Variants in SIK3 observed in about 807,000 individuals in gnomAD.
SIK3 encodes the protein serine/threonine-protein kinase SIK3.
SIK3 carries 28 observed loss-of-function variants against 144.2 expected under a neutral mutation model. The ratio of observed to expected loss-of-function variants is 0.19; its 90% CI spans 0.14 to 0.27. SIK3 has a LOEUF of 0.27. Ranked by LOEUF, SIK3 falls within the 10% of genes least tolerant of loss-of-function variation. SIK3 has a pLI of 1.00. For synonymous variants in SIK3, 686 were observed against 676.3 expected (o/e 1.01, Z -0.22); for missense variants, 1,319 against 1,776.0 (o/e 0.74, Z 4.62).
At chr11:117,073,238 A>G (rs539130966) in intron 1 of SIK3, among the ~76,000 whole-genome samples, 1 of 152,216 alleles carries the variant, frequency 6.6e-6, no homozygotes, top group South Asian at 2.1e-4. Flanking sequence ...TGAGTTTGCG[A>G]GCTCTCAACA....
chr11:117,085,369 C>T (rs1387687729), intron 1 of SIK3, among the ~76,000 whole-genome samples: 2 of 152,170 alleles, frequency 1.3e-5, no homozygotes, highest in African/African-American at 2.4e-5. Flanking sequence ...TCAAGCGATC[C>T]ACCTACCTAG....
chr11:116,994,809 T>C (rs1415783133), intron 1 of SIK3, among the ~76,000 whole-genome samples: 4 of 152,126 alleles, frequency 2.6e-5, no homozygotes, highest in Non-Finnish European at 5.9e-5. Context: ...CAATTATTAA[T>C]ACCAACCCCA....
At chr11:116,850,198 T>A (rs1016388863) in intron 21 of SIK3, among the ~76,000 whole-genome samples, 1 of 152,232 alleles carries the variant, frequency 6.6e-6, no homozygotes, top group Non-Finnish European at 1.5e-5. Context: ...GCTAGCCTCA[T>A]AACCAATCCC....
At chr11:116,885,643 T>A (rs1194561317) in intron 6 of SIK3, among the ~76,000 whole-genome samples, 1 of 152,212 alleles carries the variant, frequency 6.6e-6, no homozygotes, top group African/African-American at 2.4e-5. Flanking sequence ...TGCTACTCGT[T>A]TTTCAGTAAG....
intron 1 of SIK3, among the ~76,000 whole-genome samples, chr11:116,980,590 T>C (rs1182718240): frequency 6.6e-6 from 1 of 152,190 alleles, no homozygotes; most frequent in Non-Finnish European, 1.5e-5. Flanking sequence ...AGGTGGCTCA[T>C]GCCTATAATG....
At chr11:116,931,450 A>ATT (rs1409176290) in intron 3 of SIK3, among the ~76,000 whole-genome samples, 1 of 152,248 alleles carries the variant, frequency 6.6e-6, no homozygotes, top group Non-Finnish European at 1.5e-5. Context: ...ATTTCTTAAA[A>ATT]TAAGTCACTT....
At chr11:116,868,486 A>C (rs1943774799) in intron 14 of SIK3, among the ~76,000 whole-genome samples, 1 of 152,204 alleles carries the variant, frequency 6.6e-6, no homozygotes, top group Admixed American at 6.5e-5. Flanking sequence ...ATTCCTAGAG[A>C]TGAACCTGGG....
intron 6 of SIK3, among the ~76,000 whole-genome samples, chr11:116,878,907 G>A (rs1944401777): frequency 6.6e-6 from 1 of 152,128 alleles, no homozygotes; most frequent in Non-Finnish European, 1.5e-5. Flanking sequence ...TCTACTCTAA[G>A]ATGGGCCTCC....
At chr11:116,908,863 T>A (rs1400049476) in intron 4 of SIK3, among the ~76,000 whole-genome samples, 6 of 152,178 alleles carry the variant, frequency 3.9e-5, no homozygotes, top group African/African-American at 9.7e-5. Context: ...ACACACCATA[T>A]GACCCAGCAA....
chr11:116,961,740 T>C (rs896354176), intron 1 of SIK3, among the ~76,000 whole-genome samples: 1 of 152,200 alleles, frequency 6.6e-6, no homozygotes, highest in Non-Finnish European at 1.5e-5. Flanking sequence ...AGCATGATTT[T>C]GTAAATTGAC....
At chr11:117,017,961 C>A (rs972500663) in intron 1 of SIK3, among the ~76,000 whole-genome samples, 5 of 152,036 alleles carry the variant, frequency 3.3e-5, no homozygotes, top group African/African-American at 1.2e-4. Flanking sequence ...AGAGGAAATA[C>A]CATAGAACAT....
chr11:116,909,365 A>G (rs1219856475), intron 4 of SIK3, among the ~76,000 whole-genome samples: 3 of 152,076 alleles, frequency 2.0e-5, no homozygotes, highest in African/African-American at 4.8e-5. Flanking sequence ...GATTAACACA[A>G]AAGTACAAAA....
At chr11:116,927,487 G>T in intron 3 of SIK3, 107 bp from the exon 4 acceptor site, 1 of 951,950 alleles carries the variant, frequency 1.1e-6, no homozygotes, top group Non-Finnish European at 1.6e-6. Flanking sequence ...AGTTAAAGAG[G>T]CAAAATGAGC....
At chr11:116,944,104 C>T (rs191360059) in intron 3 of SIK3, among the ~76,000 whole-genome samples, 16 of 152,196 alleles carry the variant, frequency 1.1e-4, no homozygotes, top group African/African-American at 3.9e-4. Flanking sequence ...ACTAAGTTGT[C>T]TATAGCCAAG....
At position 117,032,774 on chromosome 11, in the gene SIK3, T is replaced by C. The variant is rs111437357; in HGVS notation, c.273+65369A>G. Among the ~76,000 whole-genome samples, 266 of 152,214 alleles carry C rather than the reference T, an allele frequency of 1.7e-3. 1 individual carries two copies. The highest frequency in any genetic ancestry group is 6.8e-3 in the Middle Eastern group (2 of 294). On this transcript the variant is annotated intron_variant, in intron 1 of 24. Coordinates refer to ENST00000445177, the MANE Select transcript of SIK3 (RefSeq NM_001366686.3). ...TTTATCTGAGTAGTATTTTATTGTATGAATATACCACCATTTATTTATCTG... is the reference window on the plus strand; with the variant it reads ...TTTATCTGAGTAGTATTTTATTGTACGAATATACCACCATTTATTTATCTG...
intron 1 of SIK3, among the ~76,000 whole-genome samples, chr11:116,959,757 AAT>A (rs1304071684): frequency 6.6e-6 from 1 of 152,190 alleles, no homozygotes; most frequent in Non-Finnish European, 1.5e-5. Context: ...GGTAGATAAC[AAT>A]AGAGTGAATT....
At position 117,061,282 on chromosome 11, in the gene SIK3, A is replaced by T. The variant is rs752668343; in HGVS notation, c.273+36861T>A. Among the ~76,000 whole-genome samples, 98 of 152,180 alleles carry T rather than the reference A, an allele frequency of 6.4e-4. 1 individual carries two copies. Among genetic ancestry groups the T allele is most frequent in the Non-Finnish European group, 1.2e-3 (84 of 68,002 alleles). On this transcript the variant is annotated intron_variant, in intron 1 of 24. Transcript: ENST00000445177. ...ATAAAGCCTATTCATTAAAAAAAAA[A>T]TTTTAAGGTATTACCATTTGAGTCA...
chr11:117,042,957 T>C (rs941672223), intron 1 of SIK3, among the ~76,000 whole-genome samples: 25 of 152,236 alleles, frequency 1.6e-4, no homozygotes, highest in Non-Finnish European at 2.8e-4. Context: ...TGTGCAACAA[T>C]GATATCTGTT....
At chr11:116,956,004 G>A (rs1362890869) in intron 2 of SIK3, among the ~76,000 whole-genome samples, 1 of 152,050 alleles carries the variant, frequency 6.6e-6, no homozygotes, top group Admixed American at 6.6e-5. Context: ...CCTATGTCTG[G>A]GCCAGTAACC....
Sources: allele counts gnomAD v4.1 joint callset (sites outside exome capture counted in the v4.1 genomes callset), GRCh38; gene constraint gnomAD v4.1.1; transcripts MANE v1.5; gene names NCBI Gene and HGNC (gene_info 2026-07-23, HGNC 2026-07-21).